The following CCDC14 variants were observed in gnomAD, a reference collection of about 807,000 sequenced individuals.
CCDC14 encodes coiled-coil domain-containing protein 14.
A neutral mutation model predicts 81.4 loss-of-function variants in CCDC14; 71 were observed. That is an observed-to-expected ratio of 0.87 (90% CI 0.72 to 1.06). CCDC14 has a LOEUF of 1.06. Among genes scored for constraint, CCDC14 ranks in the 50% least tolerant of loss-of-function variants. The probability of loss-of-function intolerance (pLI) is 0.00; values close to 1 mark genes in which losing one functional copy is unlikely to be tolerated. For synonymous variants in CCDC14, 332 were observed against 364.8 expected (o/e 0.91, Z 1.03); for missense variants, 1,046 against 1,047.3 (o/e 1.00, Z 0.02).
chr3:123,939,675 G>A (rs536289833), intron 9 of CCDC14, among the ~76,000 whole-genome samples: 3 of 151,412 alleles, frequency 2.0e-5, no homozygotes, highest in Admixed American at 2.0e-4. Flanking sequence ...TTTGCCTTGT[G>A]TGATTCCCTC....
At chr3:123,904,944 A>C (rs1479524841) in intron 5 of CCDC14, among the ~76,000 whole-genome samples, 1 of 152,196 alleles carries the variant, frequency 6.6e-6, no homozygotes, top group Non-Finnish European at 1.5e-5. Flanking sequence ...TTTACCTGAT[A>C]TGAAGACATT....
At chr3:123,939,174 A>C (rs2036213899) in intron 9 of CCDC14, among the ~76,000 whole-genome samples, 1 of 151,916 alleles carries the variant, frequency 6.6e-6, no homozygotes, top group Admixed American at 6.6e-5. Context: ...GCTAGACCAC[A>C]TTAGAGATTC....
In CCDC14 at chr3:123,915,751, T is replaced by G. The variant is rs1239705766; in HGVS notation, c.1779-33A>C. 12 of 1,459,744 alleles carry G rather than the reference T, an allele frequency of 8.2e-6. 1 individual carries two copies. Among genetic ancestry groups the G allele is most frequent in the South Asian group, 8.0e-5 (6 of 75,246 alleles). The allele number at this position is 1,459,744 out of a possible 1,614,324, so 90.4% of individuals were successfully genotyped here. ...GAAGAATCCAGAACACTAATTATTA[T>G]TTTTTACCTGTTTCTTTAATTCACT... On this transcript the variant is annotated intron_variant, in intron 12 of 12. Transcript: ENST00000409697.
At chr3:123,941,971 T>C (rs1170838499) in intron 9 of CCDC14, among the ~76,000 whole-genome samples, 3 of 152,104 alleles carry the variant, frequency 2.0e-5, no homozygotes. Flanking sequence ...GAACCAATTA[T>C]TTGATTGTCA....
chr3:123,960,752 C>T (rs1178313369), intron 1 of CCDC14, among the ~76,000 whole-genome samples: 1 of 152,178 alleles, frequency 6.6e-6, no homozygotes, highest in Non-Finnish European at 1.5e-5. Flanking sequence ...TTCTTTGAGA[C>T]AGGATTTTAT....
In CCDC14 at chr3:123,914,839, T is replaced by C. The variant is rs781032575; in HGVS notation, c.2658A>G (p.Ala886=). 27 of 1,603,064 alleles carry C rather than the reference T, an allele frequency of 1.7e-5. No homozygotes were observed. The highest frequency in any genetic ancestry group is 2.7e-5 in the African/African-American group (2 of 74,730). The change falls in exon 13 of 13, where the codon GCA becomes GCG. Residue 886 remains alanine, a synonymous_variant. Coordinates refer to ENST00000409697, the MANE Select transcript of CCDC14 (RefSeq NM_001366335.1). ...DEQDFRNGLA[A]LDANIARLQK... ...GGAGTCTAGCTATGTTGGCATCTAA[T>C]GCCGCAAGGCCATTTCTGAAGTCTT...
At chr3:123,932,925 C>A (rs2332683) in intron 10 of CCDC14, among the ~76,000 whole-genome samples, 1 of 151,874 alleles carries the variant, frequency 6.6e-6, no homozygotes, top group East Asian at 1.9e-4. Flanking sequence ...ATGATGAAAC[C>A]CTGTCTCTAA....
intron 5 of CCDC14, among the ~76,000 whole-genome samples, chr3:123,906,239 A>G (rs1414116112): frequency 2.0e-5 from 3 of 152,256 alleles, no homozygotes; most frequent in Admixed American, 2.0e-4. Flanking sequence ...CTGAGGCAGG[A>G]GAATGGCGTG....
At chr3:123,937,633 A>G (rs2036122763) in intron 9 of CCDC14, among the ~76,000 whole-genome samples, 1 of 151,906 alleles carries the variant, frequency 6.6e-6, no homozygotes, top group Non-Finnish European at 1.5e-5. Flanking sequence ...CATTTTTAAT[A>G]AGTGTTTTTT....
chr3:123,958,837 T>A (rs143477204), intron 1 of CCDC14: 1 of 152,134 alleles, frequency 6.6e-6, no homozygotes, highest in Admixed American at 6.5e-5. Flanking sequence ...CATGCTCACA[T>A]TCTGTTTCTA....
At chr3:123,903,422 AGT>A (rs936964440) in intron 5 of CCDC14, among the ~76,000 whole-genome samples, 1 of 152,090 alleles carries the variant, frequency 6.6e-6, no homozygotes, top group Admixed American at 6.6e-5. Flanking sequence ...AGAAGTGTAA[AGT>A]GTTACAACCT....
chr3:123,937,717 A>AC (rs1479254559), intron 9 of CCDC14, among the ~76,000 whole-genome samples: 1 of 151,726 alleles, frequency 6.6e-6, no homozygotes, highest in East Asian at 1.9e-4. Context: ...TTTGTGTTGT[A>AC]TTTTTAAAAT....
In CCDC14 at chr3:123,915,258, T is replaced by C; in HGVS notation, c.2239A>G (p.Lys747Glu). 7 of 1,613,958 alleles carry C rather than the reference T, an allele frequency of 4.3e-6. No individual in the cohort carries two copies. Among genetic ancestry groups the C allele is most frequent in the East Asian group, 2.2e-5 (1 of 44,890 alleles). ...STPEKKSPLS[K>E]RLSPQPQIRA... The stretch of plus-strand genomic sequence containing the variant: ...ATTTGTGGCTGAGGGGATAGTCTCT[T>C]AGAAAGTGGTGATTTCTTTTCAGGA... The change falls in exon 13 of 13, where the codon AAG (lysine) becomes GAG (glutamate). Residue 747 changes from lysine to glutamate, a missense_variant. By Grantham distance (56) the Lys-to-Glu change is moderately conservative. Transcript: ENST00000409697.
the CCDC14 span, among the ~76,000 whole-genome samples, chr3:123,885,348 C>G: frequency 6.6e-6 from 1 of 152,084 alleles, no homozygotes; most frequent in Admixed American, 6.5e-5. Flanking sequence ...TCCATGTGCC[C>G]TACCTCAATG....
chr3:123,951,206 A>G (rs1273479970), intron 5 of CCDC14, among the ~76,000 whole-genome samples: 2 of 152,214 alleles, frequency 1.3e-5, no homozygotes, highest in Non-Finnish European at 2.9e-5. Flanking sequence ...TAAATGACGT[A>G]ACACTTGTAA....
intron 5 of CCDC14, among the ~76,000 whole-genome samples, chr3:123,899,028 A>C (rs1278034807): frequency 6.6e-6 from 1 of 151,610 alleles, no homozygotes; most frequent in Non-Finnish European, 1.5e-5. Context: ...ACAACAGTAC[A>C]TTTTCACCTA....
rs186001996 is a variant in CCDC14 at position 123,903,419 on chromosome 3, T to G, written c.668-5806A>C. On this transcript the variant is annotated intron_variant, in intron 5 of 5. Transcript: ENST00000479903. Reference sequence around the variant, plus strand: ...TTTTCACACATTTATAGCAGAAGTGTAAAGTGTTACAACCTCTTTAGAAGG... The same window carrying G: ...TTTTCACACATTTATAGCAGAAGTGGAAAGTGTTACAACCTCTTTAGAAGG... Among the ~76,000 whole-genome samples, 112 of 152,226 alleles carry G rather than the reference T, an allele frequency of 7.4e-4. 2 individuals are homozygous for G. Among genetic ancestry groups the G allele is most frequent in the Non-Finnish European group, 3.1e-4 (21 of 68,020 alleles).
chr3:123,893,309 C>T (rs1273839803), downstream of CCDC14, among the ~76,000 whole-genome samples: 1 of 152,088 alleles, frequency 6.6e-6, no homozygotes, highest in East Asian at 1.9e-4. Context: ...TCTAGATACC[C>T]CATATAAGTG....
intron 5 of CCDC14, among the ~76,000 whole-genome samples, chr3:123,906,062 G>A (rs1559755909): frequency 1.3e-5 from 2 of 152,134 alleles, no homozygotes; most frequent in Admixed American, 6.5e-5. Context: ...CGGGCGCAGT[G>A]CTCACGCCTG....
Sources: gnomAD v4.1 joint callset for allele counts (sites outside exome capture counted in the v4.1 genomes callset) on GRCh38, gnomAD v4.1.1 for gene constraint, MANE v1.5 for transcripts, NCBI Gene and HGNC (gene_info 2026-07-23, HGNC 2026-07-21) for gene names.